The following BMPR1A variants were observed in gnomAD, a reference collection of about 807,000 sequenced individuals.
BMPR1A encodes bone morphogenetic protein receptor type-1A.
A neutral mutation model predicts 66.0 loss-of-function variants in BMPR1A; 7 were observed. That is an observed-to-expected ratio of 0.11 (90% CI 0.06 to 0.20). BMPR1A has a LOEUF of 0.20. Ranked by LOEUF, BMPR1A falls within the 10% of genes least tolerant of loss-of-function variation. The probability of loss-of-function intolerance (pLI) is 1.00; values close to 1 mark genes in which losing one functional copy is unlikely to be tolerated. For synonymous variants in BMPR1A, 200 were observed against 229.7 expected (o/e 0.87, Z 1.17); for missense variants, 408 against 669.1 (o/e 0.61, Z 4.31).
chr10:86,790,620 T>A (rs1198941872), intron 1 of BMPR1A, among the ~76,000 whole-genome samples: 2 of 152,064 alleles, frequency 1.3e-5, no homozygotes, highest in African/African-American at 4.8e-5. Context: ...TGAAAAGAAA[T>A]GAAGTACTCA....
In BMPR1A at chr10:86,914,117, T is replaced by TAA. The variant is rs74542203; in HGVS notation, c.675+1745_675+1746dup. ...CATGCACTTAATATGGTTAATTGAT[T>TAA]AAAAAAAAAAAAACAAAAAGATGCC... On this transcript the variant is annotated intron_variant, in intron 8 of 12. Coordinates refer to ENST00000372037, the MANE Select transcript of BMPR1A (RefSeq NM_004329.3). 3.0e-4 allele frequency among the ~76,000 whole-genome samples: 41 copies of TAA among 138,954 alleles called. No individual in the cohort carries two copies. In the East Asian group the frequency reaches 3.1e-3, roughly 10 times the overall value. The allele number at this position is 138,954 out of a possible 152,430, so 91.2% of individuals were successfully genotyped here. A position where few individuals can be genotyped will look rare whatever the true frequency, so the allele number is the denominator to read the frequency against.
chr10:86,860,389 C>T (rs1012638782), intron 2 of BMPR1A, among the ~76,000 whole-genome samples: 1 of 152,064 alleles, frequency 6.6e-6, no homozygotes, highest in Non-Finnish European at 1.5e-5. Flanking sequence ...ACTTAACAAT[C>T]CTTTCTTTGA....
intron 1 of BMPR1A, among the ~76,000 whole-genome samples, chr10:86,832,619 T>A (rs1444405158): frequency 2.0e-5 from 3 of 152,202 alleles, no homozygotes; most frequent in Non-Finnish European, 4.4e-5. Context: ...CACTGCTTAT[T>A]TTCTGTCTCT....
intron 1 of BMPR1A, among the ~76,000 whole-genome samples, chr10:86,793,075 T>G (rs1340002439): frequency 2.0e-5 from 3 of 151,458 alleles, no homozygotes; most frequent in Admixed American, 2.0e-4. Context: ...TGTGTCCTTT[T>G]TTCATCCTCC....
rs188083803 is a variant in BMPR1A, at chr10:86,892,047, G to A, written c.231-80G>A. On this transcript the variant is annotated intron_variant, in intron 4 of 12. Coordinates refer to ENST00000372037, the MANE Select transcript of BMPR1A (RefSeq NM_004329.3). ...AAAGTATTAAAGGCCATCTGTACCT[G>A]TTCACATTCAGACTCAAATTTCGTT... 5.4e-6 allele frequency: 6 copies of A among 1,109,664 alleles called. No individual in the cohort carries two copies. In the East Asian group the frequency reaches 1.3e-4, roughly 23 times the overall value. 68.7% of individuals were successfully genotyped at this position (1,109,664 alleles called of 1,614,324 possible).
chr10:86,850,432 T>G (rs1357677169), intron 2 of BMPR1A, among the ~76,000 whole-genome samples: 1 of 152,150 alleles, frequency 6.6e-6, no homozygotes, highest in African/African-American at 2.4e-5. Context: ...GCTTTTCAAA[T>G]TTAGTGTACG....
rs2133594262 is a variant in BMPR1A, at chr10:86,919,460, A to C, written c.1157A>C (p.Lys386Thr). ...ATTGCTGACCTGGGCCTTGCTGTTA[A>C]ATTCAACAGGTGAGTGGTTCTTTGC... ...CCIADLGLAV[K>T]FNSDTNEVDV... The change falls in exon 10 of 13, where the codon AAA (lysine) becomes ACA (threonine). Residue 386 changes from lysine (K) to threonine (T), a missense_variant. This residue lies in a region of BMPR1A where 130 missense variants were observed against 257.3 expected (regional missense o/e 0.51). Coordinates refer to ENST00000372037, the MANE Select transcript of BMPR1A (RefSeq NM_004329.3). 2.5e-6 allele frequency: 4 copies of C among 1,613,480 alleles called. No individual in the cohort carries two copies. The highest frequency in any genetic ancestry group is 3.4e-6 in the Non-Finnish European group (4 of 1,179,862).
chr10:86,835,302 A>C (rs1589738648), intron 1 of BMPR1A, among the ~76,000 whole-genome samples: 1 of 150,616 alleles, frequency 6.6e-6, no homozygotes, highest in Non-Finnish European at 1.5e-5. Flanking sequence ...GTGGTGGCTC[A>C]CGCCTGTAAT....
intron 1 of BMPR1A, among the ~76,000 whole-genome samples, chr10:86,789,885 G>A (rs1220385215): frequency 4.0e-5 from 6 of 148,246 alleles, no homozygotes; most frequent in Non-Finnish European, 9.1e-5. Context: ...GGCTGGGCAC[G>A]GTGGCTCACG....
chr10:86,896,476 TTGA>T (rs2133435588), intron 5 of BMPR1A, among the ~76,000 whole-genome samples: 1 of 152,278 alleles, frequency 6.6e-6, no homozygotes, highest in Admixed American at 6.5e-5. Context: ...GTACTTATCT[TTGA>T]TGTGGACAGT....
At chr10:86,863,575 G>A (rs1181550989) in intron 2 of BMPR1A, among the ~76,000 whole-genome samples, 2 of 152,092 alleles carry the variant, frequency 1.3e-5, no homozygotes, top group African/African-American at 4.8e-5. Context: ...GTGGCTCATC[G>A]ATGTCTCCCG....
intron 3 of BMPR1A, among the ~76,000 whole-genome samples, chr10:86,884,349 G>T (rs1478498972): frequency 6.9e-6 from 1 of 144,198 alleles, no homozygotes; most frequent in Non-Finnish European, 1.5e-5. Flanking sequence ...ACCTCCGTAA[G>T]TGCTAGGATT....
intron 1 of BMPR1A, among the ~76,000 whole-genome samples, chr10:86,805,360 C>T (rs1209184383): frequency 7.3e-6 from 1 of 137,766 alleles, no homozygotes; most frequent in African/African-American, 2.9e-5. Flanking sequence ...CTGTTTCTGT[C>T]TCTTCACTCC....
Position 86,758,367 on chromosome 10 carries a change from ATT to A in BMPR1A, c.-268+1464_-268+1465del, listed in dbSNP as rs200528013. Among the ~76,000 whole-genome samples the A allele has an allele frequency of 0.29, 41,183 of 140,906 alleles. 6,164 individuals are homozygous for A. Among genetic ancestry groups the A allele is most frequent in the East Asian group, 0.67 (3,284 of 4,900 alleles). The allele number at this position is 140,906 out of a possible 152,430, so 92.4% of individuals were successfully genotyped here. Reference sequence around the variant, plus strand: ...CTTAACCTTCCGTCAAAGAGGGAGAATTTTTTTTTTTTTTTTTGTCTTTCTTA... The same window carrying A: ...CTTAACCTTCCGTCAAAGAGGGAGAATTTTTTTTTTTTTTTGTCTTTCTTA... On this transcript the variant is annotated intron_variant, in intron 1 of 12. Transcript: ENST00000372037.
intron 1 of BMPR1A, among the ~76,000 whole-genome samples, chr10:86,764,241 A>G (rs181338633): frequency 1.8e-4 from 26 of 146,524 alleles, no homozygotes; most frequent in Non-Finnish European, 3.3e-4. Flanking sequence ...TTCCTGGCTA[A>G]AAGAAGCTCT....
At chr10:86,861,217 G>C (rs962569470) in intron 2 of BMPR1A, among the ~76,000 whole-genome samples, 2 of 152,164 alleles carry the variant, frequency 1.3e-5, no homozygotes, top group African/African-American at 4.8e-5. Context: ...AGAAAATAAA[G>C]TACAGATATT....
At chr10:86,839,222 C>T (rs1249064326) in intron 2 of BMPR1A, among the ~76,000 whole-genome samples, 4 of 152,070 alleles carry the variant, frequency 2.6e-5, no homozygotes, top group Non-Finnish European at 4.4e-5. Context: ...TCTTACTAAT[C>T]ACTTTCATAA....
chr10:86,923,342 A>AT (rs1843693966), intron 11 of BMPR1A, 34 bp from the exon 12 acceptor site: 1 of 1,613,544 alleles, frequency 6.2e-7, no homozygotes, highest in South Asian at 1.1e-5. Context: ...TCCAGCAACC[A>AT]TTTTTGTGCC....
intron 7 of BMPR1A, 143 bp from the exon 8 acceptor site, chr10:86,912,097 C>A: frequency 1.2e-6 from 1 of 848,402 alleles, no homozygotes; most frequent in South Asian, 1.7e-5. Flanking sequence ...ATGTATTTAA[C>A]AGGATATATT....
Sources: allele counts gnomAD v4.1 joint callset (sites outside exome capture counted in the v4.1 genomes callset), GRCh38; gene constraint gnomAD v4.1.1; regional missense constraint gnomAD v4.1.1; transcripts MANE v1.5; gene names NCBI Gene and HGNC (gene_info 2026-07-23, HGNC 2026-07-21).